The following LANCL3 variants were observed in gnomAD, a reference collection of about 807,000 sequenced individuals.
LANCL3 encodes the protein lanC-like protein 3.
LANCL3 carries 19 observed loss-of-function variants against 26.5 expected under a neutral mutation model. The observed-to-expected ratio is 0.72, with a 90% CI of 0.50 to 1.05. The LOEUF (loss-of-function observed/expected upper bound fraction) is 1.05. Among genes scored for constraint, LANCL3 ranks in the 50% least tolerant of loss-of-function variants. The pLI is 0.00. For synonymous variants in LANCL3, 160 were observed against 166.6 expected, an observed-to-expected ratio of 0.96 and a Z score of 0.30; for missense variants, 318 against 362.7, an observed-to-expected ratio of 0.88 and a Z score of 1.00.
At chrX:37,627,509 C>T (rs1925349836) in intron 1 of LANCL3, among the ~76,000 whole-genome samples, 1 of 111,555 alleles carries the variant, frequency 9.0e-6, no homozygotes, top group Admixed American at 9.5e-5. Context: ...CCCCTGGCAT[C>T]ACCTGGGGAC....
chrX:37,654,740 C>T (rs1317989559), intron 1 of LANCL3, among the ~76,000 whole-genome samples: 1 of 111,998 alleles, frequency 8.9e-6, no homozygotes, highest in Non-Finnish European at 1.9e-5. Flanking sequence ...AAGGACCCCC[C>T]TCAGACTCTG....
At chrX:37,608,071 G>A (rs1359612925) in intron 1 of LANCL3, among the ~76,000 whole-genome samples, 5 of 111,874 alleles carry the variant, frequency 4.5e-5, no homozygotes, top group Non-Finnish European at 7.5e-5. Context: ...CTAGTGCTTC[G>A]GGGGGCAGTG....
chrX:37,584,572 T>C (rs1265822826), intron 1 of LANCL3, among the ~76,000 whole-genome samples: 4 of 111,789 alleles, frequency 3.6e-5, no homozygotes, highest in Non-Finnish European at 7.5e-5. Context: ...GAGGAATTTA[T>C]CCATTTCTTC....
At chrX:37,630,654 G>A (rs1346650111) in intron 1 of LANCL3, among the ~76,000 whole-genome samples, 1 of 110,088 alleles carries the variant, frequency 9.1e-6, no homozygotes, top group Non-Finnish European at 1.9e-5. Context: ...AGAGTTTTTA[G>A]CATGAAGGGT....
chrX:37,613,439 T>C (rs1051704504), intron 1 of LANCL3, among the ~76,000 whole-genome samples: 1 of 111,479 alleles, frequency 9.0e-6, no homozygotes, highest in Non-Finnish European at 1.9e-5. Flanking sequence ...AGTGCACCCA[T>C]CTTAAGTATT....
intron 2 of LANCL3, among the ~76,000 whole-genome samples, chrX:37,657,047 C>A (rs1926301132): frequency 8.9e-6 from 1 of 112,571 alleles, no homozygotes; most frequent in African/African-American, 3.2e-5. Context: ...GGCTCAGTTC[C>A]CCTAGGGAAT....
chrX:37,670,422 A>G (rs1205269236), intron 4 of LANCL3, among the ~76,000 whole-genome samples: 1 of 109,127 alleles, frequency 9.2e-6, no homozygotes, highest in Non-Finnish European at 1.9e-5. Context: ...CCACTTCAGG[A>G]TTAGAAAACT....
chrX:37,629,341 G>C (rs1432163067), intron 1 of LANCL3, among the ~76,000 whole-genome samples: 2 of 107,274 alleles, frequency 1.9e-5, no homozygotes, highest in African/African-American at 6.8e-5. Flanking sequence ...GTAGATTCTG[G>C]ATATTAGCCC....
chrX:37,636,479 G>GA (rs1925707879), intron 1 of LANCL3, among the ~76,000 whole-genome samples: 1 of 112,219 alleles, frequency 8.9e-6, no homozygotes, highest in Non-Finnish European at 1.9e-5. Context: ...GCATCTGTTA[G>GA]AAAAAATAAC....
intron 1 of LANCL3, among the ~76,000 whole-genome samples, chrX:37,632,803 G>A (rs1925568174): frequency 8.9e-6 from 1 of 112,162 alleles, no homozygotes; most frequent in African/African-American, 3.2e-5. Flanking sequence ...CTGGCTTGTA[G>A]AGTTTCTGCC....
chrX:37,668,359 C>T (rs1195427470), intron 4 of LANCL3: 1 of 360,660 alleles, frequency 2.8e-6, no homozygotes, highest in Admixed American at 4.3e-5. Flanking sequence ...ATAAAATTTT[C>T]CTTTATAGTT....
rs1307186997 is a variant in LANCL3 at position 37,682,204 on chromosome X, G to A, written c.*6391G>A. On this transcript the variant is annotated 3_prime_UTR_variant, in exon 5 of 5. Coordinates refer to ENST00000378619, the MANE Select transcript of LANCL3 (RefSeq NM_001170331.2). ...TGCAAGCTCCGCCTCCCGGGTTCACGCCATTCTCCTGCCTCAGCCTCCCAA... is the reference window on the plus strand; with the variant it reads ...TGCAAGCTCCGCCTCCCGGGTTCACACCATTCTCCTGCCTCAGCCTCCCAA... The A allele has an allele frequency of 9.7e-6, 1 of 103,572 alleles. No individual in the cohort carries two copies. The highest frequency in any genetic ancestry group is 3.5e-5 in the African/African-American group (1 of 28,412). The allele number at this position is 103,572 out of a possible 1,213,427, so 8.5% of individuals were successfully genotyped here.
intron 1 of LANCL3, among the ~76,000 whole-genome samples, chrX:37,584,197 A>G (rs1466118720): frequency 1.8e-5 from 2 of 110,729 alleles, no homozygotes; most frequent in African/African-American, 6.7e-5. Context: ...AAGCTTTTTG[A>G]TGTGCTGCTG....
chrX:37,680,026 G>A lies in LANCL3; in HGVS notation c.*4213G>A, dbSNP rs781855556. ...CTGCTCTATCATGTGACCTCCTTTCGCCTGGGAGGGCAGATTTTCTCCTTA... is the reference window on the plus strand; with the variant it reads ...CTGCTCTATCATGTGACCTCCTTTCACCTGGGAGGGCAGATTTTCTCCTTA... On this transcript the variant is annotated 3_prime_UTR_variant, in exon 5 of 5. Transcript: ENST00000378619. 1.8e-5 allele frequency: 2 copies of A among 110,850 alleles called. No individual in the cohort carries two copies. The highest frequency in any genetic ancestry group is 9.6e-5 in the Admixed American group (1 of 10,439). 9.1% of individuals were successfully genotyped at this position (110,850 alleles called of 1,213,427 possible). A position where few individuals can be genotyped will look rare whatever the true frequency, so the allele number is the denominator to read the frequency against.
chrX:37,609,212 G>T (rs1033677772), intron 1 of LANCL3, among the ~76,000 whole-genome samples: 16 of 112,040 alleles, frequency 1.4e-4, no homozygotes, highest in Non-Finnish European at 2.6e-4. Context: ...CTGCTAAAAA[G>T]AAATCCATAT....
At chrX:37,642,957 C>T (rs1316992030) in intron 1 of LANCL3, among the ~76,000 whole-genome samples, 2 of 112,429 alleles carry the variant, frequency 1.8e-5, no homozygotes, top group Admixed American at 9.4e-5. Context: ...CTCTCTAGTA[C>T]ATTATCATGT....
intron 1 of LANCL3, among the ~76,000 whole-genome samples, chrX:37,639,263 A>G (rs1241958140): frequency 9.8e-6 from 1 of 102,364 alleles, no homozygotes. Flanking sequence ...ACATACATAT[A>G]TATACATACA....
intron 1 of LANCL3, among the ~76,000 whole-genome samples, chrX:37,644,324 T>A (rs1478952781): frequency 8.9e-6 from 1 of 111,982 alleles, no homozygotes; most frequent in Non-Finnish European, 1.9e-5. Flanking sequence ...TTTAGCAGGA[T>A]CACTAGATGG....
chrX:37,656,556 G>A (rs781885540), intron 2 of LANCL3, among the ~76,000 whole-genome samples: 1 of 112,312 alleles, frequency 8.9e-6, no homozygotes, highest in Admixed American at 9.4e-5. Flanking sequence ...AATGTTCCGT[G>A]CTTTTGGAAA....
Sources: gnomAD v4.1 joint callset for allele counts (sites outside exome capture counted in the v4.1 genomes callset) on GRCh38, gnomAD v4.1.1 for gene constraint, MANE v1.5 for transcripts, NCBI Gene and HGNC (gene_info 2026-07-23, HGNC 2026-07-21) for gene names.